The following MYO18B variants were observed in gnomAD, a reference collection of about 807,000 sequenced individuals.
The protein encoded by MYO18B is unconventional myosin-XVIIIb.
MYO18B carries 204 observed loss-of-function variants against 273.0 expected under a neutral mutation model. The ratio of observed to expected loss-of-function variants is 0.75; its 90% CI spans 0.67 to 0.84. MYO18B has a LOEUF of 0.84. MYO18B is among the 40% of genes least tolerant of loss of function. The pLI is 0.00. For missense variants in MYO18B, 3,212 were observed against 3,287.6 expected (o/e 0.98, Z 0.56); for synonymous variants, 1,330 against 1,305.7 (o/e 1.02, Z -0.40).
chr22:25,788,170 C>G (rs2087483244), intron 11 of MYO18B, among the ~76,000 whole-genome samples: 1 of 152,216 alleles, frequency 6.6e-6, no homozygotes, highest in African/African-American at 2.4e-5. Context: ...TCTCTCTCTG[C>G]TACCTGGCAG....
In MYO18B at chr22:25,994,804, A is replaced by T. The variant is rs185729000; in HGVS notation, c.6287+2311A>T. Among the ~76,000 whole-genome samples the T allele has an allele frequency of 7.8e-4, 119 of 152,364 alleles. 1 individual carries two copies. The highest frequency in any genetic ancestry group is 2.7e-3 in the African/African-American group (113 of 41,576). On this transcript the variant is annotated intron_variant, in intron 40 of 43. Transcript: ENST00000335473. ...GATGCTTGGGCTGGCTTCTCCATTCATAGAAACAATAGAGCTTTTGCATGA... is the reference window on the plus strand; with the variant it reads ...GATGCTTGGGCTGGCTTCTCCATTCTTAGAAACAATAGAGCTTTTGCATGA...
intron 39 of MYO18B, among the ~76,000 whole-genome samples, chr22:25,978,799 C>A (rs554579236): frequency 1.3e-5 from 2 of 152,118 alleles, no homozygotes. Flanking sequence ...ACTGAAAATA[C>A]AAAAATTAGT....
At chr22:25,922,074 G>A (rs1362433414) in intron 34 of MYO18B, among the ~76,000 whole-genome samples, 1 of 152,170 alleles carries the variant, frequency 6.6e-6, no homozygotes, top group Non-Finnish European at 1.5e-5. Context: ...TGCACATGGT[G>A]CTGCATGGTG....
At chr22:25,859,450 T>C (rs550868379) in intron 21 of MYO18B, among the ~76,000 whole-genome samples, 51 of 152,338 alleles carry the variant, frequency 3.3e-4, no homozygotes, top group African/African-American at 1.2e-3. Flanking sequence ...TTAAAGAAAC[T>C]GTCAAGTTAT....
Position 25,802,774 on chromosome 22 carries a change from A to C in MYO18B, c.2521+4677A>C, listed in dbSNP as rs1388074527. Among the ~76,000 whole-genome samples the C allele has an allele frequency of 4.0e-5, 6 of 150,910 alleles. No individual in the cohort carries two copies. In the East Asian group the frequency reaches 9.9e-4, roughly 25 times the overall value. On this transcript the variant is annotated intron_variant, in intron 12 of 43. Transcript: ENST00000335473. ...TCTCAAAAAAAAAAAAAAAAAAAAA[A>C]AACCCCTATAGCCTTTAGCTATTGC...
chr22:26,041,973 C>T, the MYO18B span, among the ~76,000 whole-genome samples: 27 of 152,278 alleles, frequency 1.8e-4, no homozygotes, highest in Admixed American at 1.4e-3. Context: ...CAAGAAATAG[C>T]GACTATCTGC....
At chr22:26,050,947 A>C in the MYO18B span, among the ~76,000 whole-genome samples, 1 of 152,220 alleles carries the variant, frequency 6.6e-6, no homozygotes, top group African/African-American at 2.4e-5. Flanking sequence ...TTAAGAAGCA[A>C]GTATTGAAGG....
intron 22 of MYO18B, among the ~76,000 whole-genome samples, chr22:25,873,354 C>G (rs2091101115): frequency 6.6e-6 from 1 of 152,210 alleles, no homozygotes; most frequent in African/African-American, 2.4e-5. Context: ...GTGGCACCAG[C>G]CCAGCCCCAT....
At chr22:25,981,612 G>A (rs1333835442) in intron 39 of MYO18B, among the ~76,000 whole-genome samples, 1 of 152,202 alleles carries the variant, frequency 6.6e-6, no homozygotes, top group African/African-American at 2.4e-5. Flanking sequence ...TGGTGTGATG[G>A]TACATGCCTG....
intron 40 of MYO18B, among the ~76,000 whole-genome samples, chr22:25,997,978 C>CACACACACACACACGAGAGAGAGAGA (rs34431605): frequency 1.4e-5 from 2 of 144,552 alleles, no homozygotes; most frequent in Admixed American, 6.9e-5. Context: ...CACACACACA[C>CACACACACACACACGAGAGAGAGAGA]GAGAGAGAGA....
chr22:25,824,175 G>A (rs2089399112), intron 13 of MYO18B, among the ~76,000 whole-genome samples: 1 of 152,200 alleles, frequency 6.6e-6, no homozygotes, highest in Admixed American at 6.5e-5. Flanking sequence ...CTTAGGCAGG[G>A]GGATGGCATG....
At chr22:25,761,628 G>A (rs2086321978) in intron 2 of MYO18B, among the ~76,000 whole-genome samples, 2 of 152,092 alleles carry the variant, frequency 1.3e-5, no homozygotes, top group South Asian at 4.1e-4. Context: ...TTCATGATAC[G>A]CTACGAAGGG....
At chr22:26,009,748 G>A (rs1197365554) in intron 42 of MYO18B, among the ~76,000 whole-genome samples, 7 of 151,950 alleles carry the variant, frequency 4.6e-5, no homozygotes, top group Non-Finnish European at 8.8e-5. Context: ...TTTGCCTCAC[G>A]ACCTTATCTC....
chr22:25,999,336 A>G (rs16986621), intron 40 of MYO18B, among the ~76,000 whole-genome samples: 9,908 of 152,184 alleles, frequency 0.065, 708 homozygotes, highest in East Asian at 0.27. Flanking sequence ...TGTATCTGTC[A>G]CTGTGAGATG....
intron 1 of MYO18B, among the ~76,000 whole-genome samples, chr22:25,754,141 GA>G (rs1427180358): frequency 6.6e-6 from 1 of 152,214 alleles, no homozygotes. Flanking sequence ...GGCTGCTCTG[GA>G]GGAGGAGTAG....
chr22:26,024,400 A>G (rs1370209883), intron 42 of MYO18B, among the ~76,000 whole-genome samples: 1 of 152,148 alleles, frequency 6.6e-6, no homozygotes, highest in Non-Finnish European at 1.5e-5. Flanking sequence ...AAGACCCAGA[A>G]GCAGGGAGGG....
chr22:25,936,977 C>G (rs1336923192), intron 34 of MYO18B, among the ~76,000 whole-genome samples: 1 of 152,050 alleles, frequency 6.6e-6, no homozygotes, highest in Non-Finnish European at 1.5e-5. Flanking sequence ...AGAATTCTGT[C>G]TCTGGCAATG....
chr22:25,753,617 C>T (rs2146549362), intron 1 of MYO18B, among the ~76,000 whole-genome samples: 1 of 152,304 alleles, frequency 6.6e-6, no homozygotes, highest in East Asian at 1.9e-4. Context: ...CGTGTGTGAG[C>T]TGTAACACTC....
intron 12 of MYO18B, among the ~76,000 whole-genome samples, chr22:25,821,857 A>G (rs993278783): frequency 6.6e-6 from 1 of 152,232 alleles, no homozygotes; most frequent in African/African-American, 2.4e-5. Flanking sequence ...GTGCTCAACC[A>G]TGGTAGAAAA....
Sources: gnomAD v4.1 joint callset for allele counts (sites outside exome capture counted in the v4.1 genomes callset) on GRCh38, gnomAD v4.1.1 for gene constraint, MANE v1.5 for transcripts, NCBI Gene and HGNC (gene_info 2026-07-23, HGNC 2026-07-21) for gene names.